The following PDGFD variants were observed in gnomAD, a reference collection of about 807,000 sequenced individuals.
PDGFD encodes platelet derived growth factor D, also known as platelet-derived growth factor D.
A neutral mutation model predicts 44.7 loss-of-function variants in PDGFD; 30 were observed. The observed-to-expected ratio is 0.67, with a 90% CI of 0.50 to 0.91. The LOEUF is 0.91. Among genes scored for constraint, PDGFD ranks in the 40% least tolerant of loss-of-function variants. The pLI is 0.00. For missense variants in PDGFD, 445 were observed against 457.8 expected (o/e 0.97, Z 0.25); for synonymous variants, 173 against 168.4 (o/e 1.03, Z -0.21).
At chr11:104,071,875 A>G (rs1295429333) in intron 1 of PDGFD, among the ~76,000 whole-genome samples, 1 of 151,660 alleles carries the variant, frequency 6.6e-6, no homozygotes, top group Non-Finnish European at 1.5e-5. Context: ...TTGAGATGCC[A>G]CCTTTATCAT....
intron 1 of PDGFD, among the ~76,000 whole-genome samples, chr11:104,085,158 C>CT (rs35555807): frequency 0.47 from 71,475 of 151,400 alleles, 18,751 homozygotes; most frequent in African/African-American, 0.71. Context: ...TGTGTCACCC[C>CT]ATCACCATTG....
intron 1 of PDGFD, among the ~76,000 whole-genome samples, chr11:104,149,650 T>C (rs936050772): frequency 4.6e-5 from 7 of 152,194 alleles, no homozygotes; most frequent in Non-Finnish European, 7.3e-5. Context: ...ATGATTATTT[T>C]ACACTTGATG....
intron 1 of PDGFD, among the ~76,000 whole-genome samples, chr11:104,039,930 T>G (rs1860320897): frequency 6.6e-6 from 1 of 152,138 alleles, no homozygotes; most frequent in Non-Finnish European, 1.5e-5. Context: ...AAAAGACAGT[T>G]CACATGATAC....
chr11:104,085,717 T>A (rs72975261), intron 1 of PDGFD, among the ~76,000 whole-genome samples: 7,912 of 152,276 alleles, frequency 0.052, 229 homozygotes, highest in Non-Finnish European at 0.074. Flanking sequence ...TTTGCACATC[T>A]TTTCAATGTC....
chr11:103,942,922 C>T (rs1422905906), intron 5 of PDGFD, among the ~76,000 whole-genome samples: 2 of 152,086 alleles, frequency 1.3e-5, no homozygotes, highest in African/African-American at 4.8e-5. Flanking sequence ...TAATGCCTTG[C>T]TTGCCAAAAA....
intron 1 of PDGFD, among the ~76,000 whole-genome samples, chr11:104,098,876 A>G (rs1861325398): frequency 6.6e-6 from 1 of 152,156 alleles, no homozygotes. Context: ...GAACTGGGCA[A>G]GCCACAAAAA....
At chr11:103,911,807 C>T (rs11226061) in intron 6 of PDGFD, among the ~76,000 whole-genome samples, 69,417 of 151,394 alleles carry the variant, frequency 0.46, 15,993 homozygotes, top group South Asian at 0.49. Flanking sequence ...AGCTGAAAAA[C>T]GCAAGACAAG....
At chr11:104,110,532 A>G (rs953498988) in intron 1 of PDGFD, among the ~76,000 whole-genome samples, 4 of 151,628 alleles carry the variant, frequency 2.6e-5, no homozygotes, top group Admixed American at 6.6e-5. Context: ...AAAAAAAGAA[A>G]CTTACACAGG....
chr11:104,142,071 C>G (rs1019415610), intron 1 of PDGFD, among the ~76,000 whole-genome samples: 3 of 152,088 alleles, frequency 2.0e-5, no homozygotes, highest in Non-Finnish European at 4.4e-5. Flanking sequence ...TTCACACTTA[C>G]CATATTAATA....
intron 1 of PDGFD, among the ~76,000 whole-genome samples, chr11:104,153,535 C>T (rs1226695312): frequency 6.6e-6 from 1 of 151,798 alleles, no homozygotes; most frequent in Admixed American, 6.6e-5. Flanking sequence ...CAGAGTGGTG[C>T]AATTCCTCTA....
intron 1 of PDGFD, among the ~76,000 whole-genome samples, chr11:104,053,746 C>T (rs1190171404): frequency 2.0e-5 from 3 of 152,126 alleles, no homozygotes; most frequent in Admixed American, 2.0e-4. Flanking sequence ...ACAGAGAAAT[C>T]AAACCAGATA....
chr11:103,957,735 G>A (rs1344728240), intron 3 of PDGFD, among the ~76,000 whole-genome samples: 2 of 152,134 alleles, frequency 1.3e-5, no homozygotes, highest in South Asian at 2.1e-4. Context: ...AGAGAAGGGG[G>A]TCATTGATTT....
At chr11:103,987,956 G>A (rs576190521) in intron 3 of PDGFD, among the ~76,000 whole-genome samples, 3 of 152,206 alleles carry the variant, frequency 2.0e-5, no homozygotes, top group Non-Finnish European at 2.9e-5. Context: ...TTATAATTGT[G>A]TACCTTTCTC....
At chr11:103,980,158 G>T (rs1461035245) in intron 3 of PDGFD, among the ~76,000 whole-genome samples, 1 of 151,804 alleles carries the variant, frequency 6.6e-6, no homozygotes, top group South Asian at 2.1e-4. Flanking sequence ...AAATAGTAGG[G>T]GTTTTATTGT....
intron 1 of PDGFD, among the ~76,000 whole-genome samples, chr11:104,044,978 C>CA (rs754661840): frequency 1.1e-4 from 17 of 152,224 alleles, no homozygotes; most frequent in Non-Finnish European, 1.9e-4. Flanking sequence ...GCGGAGCTTG[C>CA]AGTGAGCCGA....
intron 3 of PDGFD, among the ~76,000 whole-genome samples, chr11:103,948,357 T>C (rs1425698317): frequency 6.6e-6 from 1 of 152,080 alleles, no homozygotes; most frequent in African/African-American, 2.4e-5. Flanking sequence ...GGAAGGAAGG[T>C]CAAGGGCAGA....
At chr11:104,044,489 TA>T (rs1309106256) in intron 1 of PDGFD, among the ~76,000 whole-genome samples, 6 of 152,098 alleles carry the variant, frequency 3.9e-5, no homozygotes, top group Non-Finnish European at 8.8e-5. Context: ...TAAAAAAAGG[TA>T]AAAGTAAATC....
chr11:104,016,751 C>T (rs1040560152), intron 1 of PDGFD, among the ~76,000 whole-genome samples: 3 of 152,138 alleles, frequency 2.0e-5, no homozygotes, highest in East Asian at 1.9e-4. Context: ...GGCCACTGTT[C>T]GAATGAAAAC....
chr11:104,109,544 T>A (rs143312529), intron 1 of PDGFD, among the ~76,000 whole-genome samples: 2 of 152,294 alleles, frequency 1.3e-5, no homozygotes, highest in East Asian at 1.9e-4. Context: ...ATCATTTTAC[T>A]TCTAGGTGTA....
Sources: gnomAD v4.1 joint callset for allele counts (sites outside exome capture counted in the v4.1 genomes callset) on GRCh38, gnomAD v4.1.1 for gene constraint, MANE v1.5 for transcripts, NCBI Gene and HGNC (gene_info 2026-07-23, HGNC 2026-07-21) for gene names.